Variants in MTOR observed in about 807,000 individuals in gnomAD.
MTOR encodes the protein mechanistic target of rapamycin kinase, also known as serine/threonine-protein kinase mTOR.
In MTOR, 70 loss-of-function variants were observed where a neutral mutation model predicts 319.8. The observed-to-expected ratio is 0.22, with a 90% CI of 0.18 to 0.27. The LOEUF is 0.27. Among genes scored for constraint, MTOR ranks in the 10% least tolerant of loss-of-function variants. MTOR has a pLI of 1.00. For missense variants in MTOR, 1,890 were observed against 3,274.4 expected, an observed-to-expected ratio of 0.58 and a Z score of 10.32; for synonymous variants, 1,183 against 1,211.4, an observed-to-expected ratio of 0.98 and a Z score of 0.49.
At position 11,243,163 on chromosome 1, in the gene MTOR, C is replaced by A. The variant is rs778152958; in HGVS notation, c.1363G>T (p.Val455Leu). The A allele has an allele frequency of 6.2e-7, 1 of 1,614,134 alleles. No homozygotes were observed. Among genetic ancestry groups the A allele is most frequent in the Non-Finnish European group, 8.5e-7 (1 of 1,180,038 alleles). ...AGGGCCGCTCGGATGATGTCCAGCA[C>A]GCGAGGCAAATAGACCTTAAACTCA... ...RSEFKVYLPR[V>L]LDIIRAALPP... The change falls in exon 9 of 58, where the codon GTG becomes TTG. Residue 455 changes from valine to leucine, a missense_variant. Physicochemically the swap from Val to Leu is conservative, Grantham distance 32 (BLOSUM62 1). This residue lies in a region of MTOR where 418 missense variants were observed against 543.1 expected (regional missense o/e 0.77). Coordinates refer to ENST00000361445, the MANE Select transcript of MTOR (RefSeq NM_004958.4).
In MTOR at chr1:11,212,145, A is replaced by G. The variant is rs1646333367; in HGVS notation, c.3561+167T>C. On this transcript the variant is annotated intron_variant, in intron 23 of 57. Coordinates refer to ENST00000361445, the MANE Select transcript of MTOR (RefSeq NM_004958.4). This position sits in a 1 kb window ranked among gnomAD's most constrained non-coding sequence, Gnocchi z 4.1. ...ACCCCCAGAACGGCACTTAGCTCAC[A>G]TAGGTTGCTCAATAAATGTTTGCTG... Among the ~76,000 whole-genome samples the G allele has an allele frequency of 6.6e-6, 1 of 152,232 alleles. No homozygotes were observed. Among genetic ancestry groups the G allele is most frequent in the South Asian group, 2.1e-4 (1 of 4,828 alleles).
At chr1:11,134,635 A>C (rs1643319438) in intron 36 of MTOR, among the ~76,000 whole-genome samples, 169 bp from the exon 37 acceptor site, 1 of 152,196 alleles carries the variant, frequency 6.6e-6, no homozygotes, top group Admixed American at 6.5e-5. Context: ...ATACTGGGAG[A>C]GACTGGGCTT....
intron 1 of MTOR, among the ~76,000 whole-genome samples, chr1:11,261,869 C>T (rs150966632): frequency 9.8e-4 from 149 of 152,218 alleles, no homozygotes; most frequent in Non-Finnish European, 6.0e-4. Context: ...ATCTGAGGCC[C>T]ACAGGCCATC....
chr1:11,206,595 A>G (rs1557842765), intron 25 of MTOR, among the ~76,000 whole-genome samples: 2 of 152,254 alleles, frequency 1.3e-5, no homozygotes, highest in Admixed American at 1.3e-4. Context: ...TGTTACTATT[A>G]CTTGATAAAT....
intron 28 of MTOR, among the ~76,000 whole-genome samples, chr1:11,192,971 C>G (rs973047602): frequency 6.6e-6 from 1 of 151,978 alleles, no homozygotes; most frequent in Non-Finnish European, 1.5e-5. Flanking sequence ...CCTAGAACAG[C>G]TATTCCTTGG....
intron 34 of MTOR, chr1:11,144,442 A>G (rs906439052): frequency 1.5e-5 from 8 of 529,204 alleles, no homozygotes; most frequent in Admixed American, 1.2e-4. Flanking sequence ...GAATAAGAAG[A>G]GACTGGAAAA....
At chr1:11,196,849 T>TAAAAA (rs78265735) in intron 28 of MTOR, among the ~76,000 whole-genome samples, 2 of 133,826 alleles carry the variant, frequency 1.5e-5, no homozygotes, top group Admixed American at 7.6e-5. Context: ...CGACTCCATC[T>TAAAAA]AAAAAAAAAA....
intron 19 of MTOR, among the ~76,000 whole-genome samples, chr1:11,226,708 A>G (rs1238123627): frequency 6.6e-6 from 1 of 152,112 alleles, no homozygotes; most frequent in East Asian, 1.9e-4. Context: ...CAGGAGGTGG[A>G]GGTTGCAGTG....
chr1:11,190,843 A>C (rs552257908), intron 28 of MTOR, among the ~76,000 whole-genome samples: 2 of 152,342 alleles, frequency 1.3e-5, no homozygotes, highest in Non-Finnish European at 2.9e-5. Flanking sequence ...AACTACATGA[A>C]GAACAAAGAC....
chr1:11,157,688 G>C (rs188197578), intron 29 of MTOR, among the ~76,000 whole-genome samples: 10 of 152,274 alleles, frequency 6.6e-5, no homozygotes, highest in Non-Finnish European at 8.8e-5. Flanking sequence ...CCATCGCTCC[G>C]ATCTGCTGGA....
chr1:11,144,601 A>AAGGGGT, intron 34 of MTOR, 47 bp downstream of exon 34: 2 of 1,560,880 alleles, frequency 1.3e-6, no homozygotes, highest in Non-Finnish European at 1.8e-6. Flanking sequence ...CAGGTCCTGG[A>AAGGGGT]AGGGGTAGGG....
At chr1:11,221,723 A>T (rs1204219499) in intron 19 of MTOR, among the ~76,000 whole-genome samples, 1 of 148,314 alleles carries the variant, frequency 6.7e-6, no homozygotes, top group Non-Finnish European at 1.5e-5. Flanking sequence ...TATAGTGTAT[A>T]TATACATATA....
chr1:11,172,653 G>A (rs186369289), intron 28 of MTOR, among the ~76,000 whole-genome samples: 7 of 151,208 alleles, frequency 4.6e-5, no homozygotes, highest in South Asian at 2.1e-4. Context: ...GGCGGATCAC[G>A]AGGTCAGGAG....
chr1:11,228,790 T>C lies in MTOR; in HGVS notation c.2908A>G (p.Met970Val), dbSNP rs1349280110. Residue 970 changes from methionine to valine, a missense_variant, in exon 19 of 58, where the codon ATG becomes GTG. Physicochemically the swap from Met to Val is conservative, Grantham distance 21. Around this residue, in one of 15 missense-constraint regions of MTOR, gnomAD observed 377 missense variants for 653.9 expected, o/e 0.58. Transcript: ENST00000361445. ...RDQSLSHHHT[M>V]VVQAITFIFK... is the part of the protein sequence containing the mutation. ...ATGAAGGTGATGGCCTGGACAACCA[T>C]GGTGTGATGATGAGAGAGTGACTGG... 8 of 1,613,950 alleles carry C rather than the reference T, an allele frequency of 5.0e-6. No individual in the cohort carries two copies. Among genetic ancestry groups the C allele is most frequent in the African/African-American group, 4.0e-5 (3 of 74,864 alleles).
Position 11,130,787 on chromosome 1 carries a change from G to A in MTOR, c.5365-10C>T, listed in dbSNP as rs2100433729. The A allele has an allele frequency of 1.9e-6, 3 of 1,557,904 alleles. No individual in the cohort carries two copies. Among genetic ancestry groups the A allele is most frequent in the Non-Finnish European group, 2.6e-6 (3 of 1,150,458 alleles). The stretch of plus-strand genomic sequence containing the variant: ...CCCACGCATGCCAGGCCTGGTTGGG[G>A]AGAAAGGCAAGGACAGACACTGGAG... On this transcript the variant is annotated splice_polypyrimidine_tract_variant and intron_variant, in intron 38 of 57. Transcript: ENST00000361445.
At chr1:11,242,564 G>A (rs1048492447) in intron 9 of MTOR, among the ~76,000 whole-genome samples, 8 of 144,528 alleles carry the variant, frequency 5.5e-5, no homozygotes, top group East Asian at 4.2e-4. Flanking sequence ...AGCAATCTTC[G>A]CTAATAAACA....
chr1:11,251,744 C>T (rs1393459558), intron 6 of MTOR, among the ~76,000 whole-genome samples: 1 of 150,844 alleles, frequency 6.6e-6, no homozygotes, highest in African/African-American at 2.4e-5. Flanking sequence ...ACCTCGGTCT[C>T]CCAGAATGCT....
At chr1:11,196,582 C>T (rs1016451455) in intron 28 of MTOR, among the ~76,000 whole-genome samples, 7 of 152,084 alleles carry the variant, frequency 4.6e-5, no homozygotes, top group Admixed American at 2.0e-4. Flanking sequence ...TAGCTGCACG[C>T]GGTGGCTCAC....
At chr1:11,226,403 A>G (rs537797759) in intron 19 of MTOR, 2 of 152,216 alleles carry the variant, frequency 1.3e-5, no homozygotes, top group African/African-American at 2.4e-5. Flanking sequence ...CCAAAAAGCT[A>G]CAACAAATAT....
Sources: allele counts gnomAD v4.1 joint callset (sites outside exome capture counted in the v4.1 genomes callset), GRCh38; gene constraint gnomAD v4.1.1; regional missense constraint gnomAD v4.1.1; non-coding constraint Gnocchi (gnomAD v3.1); transcripts MANE v1.5; gene names NCBI Gene and HGNC (gene_info 2026-07-23, HGNC 2026-07-21).